Variants in BCAN observed in about 807,000 individuals in gnomAD.
BCAN encodes brevican.
In BCAN, 51 loss-of-function variants were observed where a neutral mutation model predicts 92.4. The observed-to-expected ratio is 0.55, with a 90% CI of 0.44 to 0.70. BCAN has a LOEUF of 0.70. Among genes scored for constraint, BCAN ranks in the 30% least tolerant of loss-of-function variants. BCAN has a pLI of 0.00. For synonymous variants in BCAN, 501 were observed against 505.2 expected (o/e 0.99, Z 0.11); for missense variants, 1,140 against 1,212.1 (o/e 0.94, Z 0.88).
At position 156,659,042 on chromosome 1, in the gene BCAN, C is replaced by T. The variant is rs773643339; in HGVS notation, c.2644C>T (p.Pro882Ser). Reference protein sequence around the residue: ...VPRRPARALHPEEDPEGRQGR... With the variant: ...VPRRPARALHSEEDPEGRQGR... ...TCTTCCCCAGGCCCGAGCTCTGCAC[C>T]CAGAGGAGGACCCAGAAGGACGTCA... The change falls in exon 14 of 14, where the codon CCA becomes TCA. Residue 882 changes from proline to serine, a missense_variant. By Grantham distance (74) the Pro-to-Ser change is moderately conservative. Around this residue, in one of 3 missense-constraint regions of BCAN, gnomAD observed 825 missense variants for 871.8 expected, o/e 0.95. Transcript: ENST00000329117. 1.6e-5 allele frequency: 25 copies of T among 1,600,582 alleles called. No individual in the cohort carries two copies. Among genetic ancestry groups the T allele is most frequent in the Non-Finnish European group, 1.9e-5 (22 of 1,175,132 alleles).
chr1:156,656,063 G>A (rs976378211), intron 8 of BCAN, among the ~76,000 whole-genome samples: 12 of 152,152 alleles, frequency 7.9e-5, no homozygotes, highest in Non-Finnish European at 1.8e-4. Context: ...GGAAGGCTGA[G>A]CCAATGCTGA....
In BCAN at chr1:156,648,933, C is replaced by T. The variant is rs61813530; in HGVS notation, c.1063+72C>T. 13,100 of 1,466,932 alleles carry T rather than the reference C, an allele frequency of 8.9e-3. 76 individuals carry two copies. Among genetic ancestry groups the T allele is most frequent in the Non-Finnish European group, 0.01 (11,500 of 1,096,238 alleles). 90.9% of individuals were successfully genotyped at this position (1,466,932 alleles called of 1,614,324 possible). A position where few individuals can be genotyped will look rare whatever the true frequency, so the allele number is the denominator to read the frequency against. ...GAGTTGAGTCCTAAAAGTCCTACCC[C>T]AGTCTGATCAGTTTAGCTCAGGGCT... On this transcript the variant is annotated intron_variant, in intron 6 of 13. Transcript: ENST00000329117.
In BCAN at chr1:156,658,475, C is replaced by A; in HGVS notation, c.2438-68C>A. 6.4e-7 allele frequency: 1 copy of A among 1,553,180 alleles called. No individual in the cohort carries two copies. The highest frequency in any genetic ancestry group is 8.7e-7 in the Non-Finnish European group (1 of 1,146,154). ...TCATGTTGTGGCCCATTTTTCTCTT[C>A]CCCATGGAGATTCTGGGAACTGTCA... On this transcript the variant is annotated intron_variant, in intron 12 of 13. Coordinates refer to ENST00000329117, the MANE Select transcript of BCAN (RefSeq NM_021948.5). The surrounding 1 kb of genome is among the most constrained non-coding windows in gnomAD (Gnocchi z 4.4).
In BCAN at chr1:156,646,907, G is replaced by A. The variant is rs1298018996; in HGVS notation, c.198G>A (p.Pro66=). 2 of 1,611,444 alleles carry A rather than the reference G, an allele frequency of 1.2e-6. No homozygotes were observed. Among genetic ancestry groups the A allele is most frequent in the Admixed American group, 1.7e-5 (1 of 59,946 alleles). The change falls in exon 3 of 14, where the codon CCG becomes CCA. Residue 66 remains proline (P), a synonymous_variant. Transcript: ENST00000329117. The part of the protein sequence containing the change: ...PCHVHYLRPP[P]SRRAVLGSPR... ...ACGTCCACTACCTGCGGCCACCGCC[G>A]AGCCGCCGGGCTGTGCTGGGCTCTC...
intron 1 of BCAN, 108 bp from the exon 2 acceptor site, chr1:156,645,939 A>C (rs1359414345): frequency 1.2e-6 from 1 of 819,532 alleles, no homozygotes; most frequent in South Asian, 1.9e-5. Context: ...AAGGTAGGGG[A>C]CTTCTGGAGC....
rs1003420948 is a variant in BCAN, at chr1:156,658,579, A to G, written c.2474A>G (p.Gln825Arg). 4.3e-6 allele frequency: 7 copies of G among 1,613,984 alleles called. No individual in the cohort carries two copies. The highest frequency in any genetic ancestry group is 1.7e-5 in the Admixed American group (1 of 60,024). ...CCGCCACCGGAGCTGCCCCTGGCTC[A>G]AGTGTTCGGCCGCCCACGGCTGCGC... is the stretch of plus-strand genomic sequence containing the variant. ...CGPPPELPLA[Q>R]VFGRPRLRYE... Residue 825 changes from glutamine to arginine, a missense_variant, in exon 13 of 14, where the codon CAA becomes CGA. By Grantham distance (43) the Gln-to-Arg change is conservative. Around this residue, in one of 3 missense-constraint regions of BCAN, gnomAD observed 825 missense variants for 871.8 expected, o/e 0.95. Coordinates refer to ENST00000329117, the MANE Select transcript of BCAN (RefSeq NM_021948.5). This position sits in a 1 kb window ranked among gnomAD's most constrained non-coding sequence, Gnocchi z 4.4.
intron 8 of BCAN, among the ~76,000 whole-genome samples, chr1:156,654,918 A>T (rs1051465819): frequency 6.6e-6 from 1 of 152,234 alleles, no homozygotes; most frequent in African/African-American, 2.4e-5. Flanking sequence ...ATTTCACCCA[A>T]AACAGCTAGG....
chr1:156,650,375 C>T (rs1486609477), intron 6 of BCAN, among the ~76,000 whole-genome samples: 1 of 152,194 alleles, frequency 6.6e-6, no homozygotes, highest in African/African-American at 2.4e-5. Context: ...CAGGGACTCA[C>T]TGTCCTGTCT....
intron 1 of BCAN, chr1:156,643,633 CACAGAGAGAGAG>C (rs1229219413): frequency 8.8e-5 from 8 of 90,900 alleles, no homozygotes; most frequent in Non-Finnish European, 1.7e-4. Context: ...CACACACACA[CACAGAGAGAGAG>C]AGAGAGAGAG....
At chr1:156,646,466 G>T (rs564081712) in intron 2 of BCAN, 40 of 498,822 alleles carry the variant, frequency 8.0e-5, no homozygotes, top group Non-Finnish European at 1.0e-4. Context: ...GGGAAACTGG[G>T]CTGGAGGACT....
rs1055765304 is a variant in BCAN at position 156,646,706 on chromosome 1, C to T, written c.92-95C>T. On this transcript the variant is annotated intron_variant, in intron 2 of 13. Transcript: ENST00000329117. ...TAGGGGGGCCGGGGAATCCTGGGGC[C>T]GGAAGGAGGGATCCTGGAGCGGGGC... 108 of 1,484,438 alleles carry T rather than the reference C, an allele frequency of 7.3e-5. No individual in the cohort carries two copies. In the Middle Eastern group the frequency reaches 1.3e-3, roughly 18 times the overall value. The allele number at this position is 1,484,438 out of a possible 1,614,324, so 92.0% of individuals were successfully genotyped here.
chr1:156,653,358 G>A (rs1476770472), intron 8 of BCAN: 2 of 1,032,410 alleles, frequency 1.9e-6, no homozygotes, highest in Non-Finnish European at 2.3e-6. Flanking sequence ...CCGGAGTCCA[G>A]GAGAACCCGT....
intron 10 of BCAN, 34 bp downstream of exon 10, chr1:156,657,130 C>T (rs1261113170): frequency 6.2e-7 from 1 of 1,600,390 alleles, no homozygotes; most frequent in Non-Finnish European, 8.5e-7. Context: ...GGGGCCCCTG[C>T]CATATGCTCT....
chr1:156,647,343 C>T lies in BCAN; in HGVS notation c.467-165C>T, dbSNP rs1184847402. 9.0e-7 allele frequency: 1 copy of T among 1,113,746 alleles called. No individual in the cohort carries two copies. Among genetic ancestry groups the T allele is most frequent in the Non-Finnish European group, 1.3e-6 (1 of 797,488 alleles). 69.0% of individuals were successfully genotyped at this position (1,113,746 alleles called of 1,614,324 possible). A position where few individuals can be genotyped will look rare whatever the true frequency, so the allele number is the denominator to read the frequency against. On this transcript the variant is annotated intron_variant, in intron 3 of 13. Coordinates refer to ENST00000329117, the MANE Select transcript of BCAN (RefSeq NM_021948.5). This position sits in a 1 kb window ranked among gnomAD's most constrained non-coding sequence, Gnocchi z 4.8. ...GCCTTTGTTGTCTCCTTTCTCTCTT[C>T]AGGTGGAGGACATTCTACCCACAAT...
chr1:156,658,871 G>A lies in BCAN; in HGVS notation c.2628+138G>A. ...CCCTCTCTGAGGCAAAGGGGAAGAG[G>A]TGGGCTGGAGGCTCTGGGGTTCCTT... On this transcript the variant is annotated intron_variant, in intron 13 of 13. Coordinates refer to ENST00000329117, the MANE Select transcript of BCAN (RefSeq NM_021948.5). The surrounding 1 kb of genome is among the most constrained non-coding windows in gnomAD (Gnocchi z 4.4). 2.2e-6 allele frequency: 3 copies of A among 1,388,270 alleles called. No homozygotes were observed. The highest frequency in any genetic ancestry group is 1.4e-5 in the African/African-American group (1 of 69,648). The allele number at this position is 1,388,270 out of a possible 1,614,324, so 86.0% of individuals were successfully genotyped here. A position where few individuals can be genotyped will look rare whatever the true frequency, so the allele number is the denominator to read the frequency against.
chr1:156,653,119 A>G, intron 8 of BCAN: 3 of 1,417,534 alleles, frequency 2.1e-6, no homozygotes, highest in South Asian at 1.6e-5. Flanking sequence ...CAGCCCCGCC[A>G]CTGACCATCT....
rs1159975227 is a variant in BCAN, at chr1:156,652,783, T to C, written c.1833T>C (p.Ser611=). The part of the protein sequence containing the change: ...PEGTRELEAP[S]EDNSGRTAPA... ...GTACCAGGGAGCTGGAGGCCCCCTC[T>C]GAAGATAATTCTGGAAGAACTGCCC... is the stretch of plus-strand genomic sequence containing the variant. The change falls in exon 8 of 14, where the codon TCT becomes TCC. Residue 611 remains serine (S), a synonymous_variant. Coordinates refer to ENST00000329117, the MANE Select transcript of BCAN (RefSeq NM_021948.5). The C allele has an allele frequency of 1.2e-6, 2 of 1,612,536 alleles. No homozygotes were observed. The highest frequency in any genetic ancestry group is 2.2e-5 in the East Asian group (1 of 44,822).
In BCAN at chr1:156,652,520, G is replaced by A. The variant is rs1287606605; in HGVS notation, c.1570G>A (p.Asp524Asn). 5 of 1,612,334 alleles carry A rather than the reference G, an allele frequency of 3.1e-6. No homozygotes were observed. In the South Asian group the frequency reaches 4.4e-5, roughly 14 times the overall value. The change falls in exon 8 of 14, where the codon GAT (aspartate) becomes AAT (asparagine). Residue 524 changes from aspartate to asparagine, a missense_variant. Physicochemically the swap from Asp to Asn is conservative, Grantham distance 23. Transcript: ENST00000329117. Reference sequence around the variant, plus strand: ...GCAGCCTGGTGCATCACCACTTCCTGATGGAGAGTCAGAAGCTTCCAGGCC... The same window carrying A: ...GCAGCCTGGTGCATCACCACTTCCTAATGGAGAGTCAGAAGCTTCCAGGCC... Reference protein sequence around the residue: ...VLQPGASPLPDGESEASRPPR... With the variant: ...VLQPGASPLPNGESEASRPPR...
chr1:156,647,380 C>A lies in BCAN; in HGVS notation c.467-128C>A. On this transcript the variant is annotated intron_variant, in intron 3 of 13. Transcript: ENST00000329117. The surrounding 1 kb of genome is among the most constrained non-coding windows in gnomAD (Gnocchi z 4.8). ...ATTCTACCCACAATCTAACTTAAGT[C>A]CCTCATGCTGTAGAGTGAGCACAAT... The A allele has an allele frequency of 8.7e-7, 1 of 1,154,292 alleles. No homozygotes were observed. The highest frequency in any genetic ancestry group is 1.2e-6 in the Non-Finnish European group (1 of 826,416). 71.5% of individuals were successfully genotyped at this position (1,154,292 alleles called of 1,614,324 possible). A position where few individuals can be genotyped will look rare whatever the true frequency, so the allele number is the denominator to read the frequency against.
Sources: gnomAD v4.1 joint callset for allele counts (sites outside exome capture counted in the v4.1 genomes callset) on GRCh38, gnomAD v4.1.1 for gene constraint, gnomAD v4.1.1 regional missense constraint, Gnocchi (gnomAD v3.1) non-coding constraint, MANE v1.5 for transcripts, NCBI Gene and HGNC (gene_info 2026-07-23, HGNC 2026-07-21) for gene names.